B3GALT1: variants seen among roughly 807,000 people sequenced by gnomAD.
B3GALT1 encodes the protein UDP-Gal:betaGlcNAc beta 1,3-galactosyltransferase, polypeptide 1.
Under a neutral mutation model 23.2 loss-of-function variants are expected in B3GALT1, and 10 were observed. The ratio of observed to expected loss-of-function variants is 0.43; its 90% CI spans 0.27 to 0.73. B3GALT1 has a LOEUF of 0.73. Ranked by LOEUF, B3GALT1 falls within the 30% of genes least tolerant of loss-of-function variation. The pLI, the probability that B3GALT1 is intolerant of heterozygous loss-of-function variation, is 0.21. For missense variants in B3GALT1, 299 were observed against 405.4 expected, an observed-to-expected ratio of 0.74 and a Z score of 2.25; for synonymous variants, 156 against 141.5, an observed-to-expected ratio of 1.10 and a Z score of -0.73.
At chr2:167,348,698 C>T (rs1028639088) in intron 1 of B3GALT1, among the ~76,000 whole-genome samples, 10 of 152,004 alleles carry the variant, frequency 6.6e-5, no homozygotes, top group Non-Finnish European at 1.5e-4. Context: ...AAGGCATTTT[C>T]ACCCCTCTCA....
At chr2:167,832,790 T>C (rs941652081) in intron 4 of B3GALT1, among the ~76,000 whole-genome samples, 2 of 152,336 alleles carry the variant, frequency 1.3e-5, no homozygotes, top group Non-Finnish European at 1.5e-5. Context: ...AAAAGTTCTA[T>C]ACAGGGGCAA....
intron 3 of B3GALT1, among the ~76,000 whole-genome samples, chr2:167,744,547 T>C (rs577765013): frequency 6.6e-6 from 1 of 152,246 alleles, no homozygotes; most frequent in African/African-American, 2.4e-5. Context: ...AAACCTTGTC[T>C]ATCCTTTTAT....
chr2:167,821,814 G>T lies in B3GALT1; in HGVS notation c.-230+3021G>T, dbSNP rs75936319. Among the ~76,000 whole-genome samples the T allele has an allele frequency of 9.7e-3, 1,480 of 152,198 alleles. 30 individuals carry two copies. The highest frequency in any genetic ancestry group is 0.034 in the African/African-American group (1,411 of 41,534). On this transcript the variant is annotated intron_variant, in intron 4 of 4. Coordinates refer to ENST00000392690, the MANE Select transcript of B3GALT1 (RefSeq NM_020981.4). ...TAACTGCCTTTATTGTAGTTTGGTA[G>T]CTTTACAGGAAGTACATCTGTCGGT...
chr2:167,421,947 C>A (rs1451108194), intron 1 of B3GALT1, among the ~76,000 whole-genome samples: 4 of 152,156 alleles, frequency 2.6e-5, no homozygotes, highest in African/African-American at 9.7e-5. Context: ...CAAATATTAT[C>A]ACACAAAAAG....
rs575399537 is a variant in B3GALT1 at position 167,702,421 on chromosome 2, A to G, written c.-352+55455A>G. The stretch of plus-strand genomic sequence containing the variant: ...TGAGGATGATTAAAATAATGTGCAT[A>G]TATGTTGAAGGGCAGAGGATGGTAT... On this transcript the variant is annotated intron_variant, in intron 3 of 4. Transcript: ENST00000392690. 3.9e-5 allele frequency among the ~76,000 whole-genome samples: 6 copies of G among 152,322 alleles called. No homozygotes were observed. In the South Asian group the frequency reaches 8.3e-4, roughly 21 times the overall value.
chr2:167,469,646 G>T (rs1214282301), intron 1 of B3GALT1, among the ~76,000 whole-genome samples: 1 of 152,054 alleles, frequency 6.6e-6, no homozygotes, highest in Admixed American at 6.6e-5. Context: ...AAATACTTAT[G>T]ATTGTAAAGT....
At chr2:167,827,461 A>C (rs1689253833) in intron 4 of B3GALT1, among the ~76,000 whole-genome samples, 1 of 152,150 alleles carries the variant, frequency 6.6e-6, no homozygotes, top group African/African-American at 2.4e-5. Flanking sequence ...AGGGAACTGC[A>C]TTGGTCTAGA....
chr2:167,840,002 T>C (rs1426049428), intron 4 of B3GALT1, among the ~76,000 whole-genome samples: 16 of 152,216 alleles, frequency 1.1e-4, no homozygotes, highest in South Asian at 1.0e-3. Context: ...CTGGATCCCT[T>C]CCTTACACCT....
chr2:167,713,930 G>C (rs62194985), intron 3 of B3GALT1: 1 of 1,572,334 alleles, frequency 6.4e-7, no homozygotes, highest in South Asian at 1.1e-5. Flanking sequence ...TCCTCTTCTC[G>C]TGAACAGGCC....
chr2:167,816,693 G>A (rs973904849), intron 3 of B3GALT1, among the ~76,000 whole-genome samples: 2 of 152,158 alleles, frequency 1.3e-5, no homozygotes, highest in Non-Finnish European at 2.9e-5. Flanking sequence ...GCAAGGAAAT[G>A]TTTTAAAAAT....
chr2:167,714,455 G>A, intron 3 of B3GALT1: 1 of 1,594,150 alleles, frequency 6.3e-7, no homozygotes, highest in Non-Finnish European at 8.6e-7. Context: ...CAAAGTTTGA[G>A]GAGAGAGAAA....
At chr2:167,704,670 T>C (rs1315724836) in intron 3 of B3GALT1, among the ~76,000 whole-genome samples, 2 of 152,150 alleles carry the variant, frequency 1.3e-5, no homozygotes, top group Non-Finnish European at 2.9e-5. Flanking sequence ...GAGAGATCAG[T>C]GGTACATTAG....
chr2:167,467,123 A>G (rs762170991), intron 1 of B3GALT1, among the ~76,000 whole-genome samples: 4 of 151,588 alleles, frequency 2.6e-5, no homozygotes, highest in Non-Finnish European at 4.4e-5. Flanking sequence ...TTTTTTAGTC[A>G]ACGTAATCAC....
intron 2 of B3GALT1, among the ~76,000 whole-genome samples, chr2:167,498,113 T>C (rs1273451889): frequency 1.3e-5 from 2 of 152,016 alleles, no homozygotes; most frequent in Non-Finnish European, 2.9e-5. Context: ...TACTGACATG[T>C]TGAAGAACTG....
chr2:167,465,402 G>A (rs13405810), intron 1 of B3GALT1, among the ~76,000 whole-genome samples: 23,583 of 151,924 alleles, frequency 0.16, 2,729 homozygotes, highest in African/African-American at 0.33. Context: ...TTTTCCTCAC[G>A]GTTCTGGAGG....
intron 4 of B3GALT1, among the ~76,000 whole-genome samples, chr2:167,867,329 G>A (rs1690253948): frequency 6.6e-6 from 1 of 151,744 alleles, no homozygotes; most frequent in South Asian, 2.1e-4. Context: ...TATCAGCTTT[G>A]GTGCACCTTA....
At chr2:167,745,183 C>T (rs1274202985) in intron 3 of B3GALT1, among the ~76,000 whole-genome samples, 1 of 133,256 alleles carries the variant, frequency 7.5e-6, no homozygotes, top group East Asian at 2.3e-4. Flanking sequence ...TTTTAATATG[C>T]ATATTTAATA....
At chr2:167,568,065 T>C (rs1684209009) in intron 2 of B3GALT1, among the ~76,000 whole-genome samples, 1 of 152,138 alleles carries the variant, frequency 6.6e-6, no homozygotes, top group African/African-American at 2.4e-5. Context: ...GCTCAATAGT[T>C]CATTTCTTTG....
chr2:167,448,946 T>C (rs771852929), intron 1 of B3GALT1, among the ~76,000 whole-genome samples: 2 of 152,076 alleles, frequency 1.3e-5, no homozygotes, highest in African/African-American at 4.8e-5. Flanking sequence ...CTATTCCATT[T>C]TATTGGTTTG....
Sources: gnomAD v4.1 joint callset for allele counts (sites outside exome capture counted in the v4.1 genomes callset) on GRCh38, gnomAD v4.1.1 for gene constraint, MANE v1.5 for transcripts, NCBI Gene and HGNC (gene_info 2026-07-23, HGNC 2026-07-21) for gene names.